RBFOX1: variants seen among roughly 807,000 people sequenced by gnomAD.
The protein encoded by RBFOX1 is RNA binding protein fox-1 homolog 1.
A neutral mutation model predicts 57.7 loss-of-function variants in RBFOX1; 8 were observed. The ratio of observed to expected loss-of-function variants is 0.14; its 90% CI spans 0.08 to 0.25. RBFOX1 has a LOEUF of 0.25. Ranked by LOEUF, RBFOX1 falls within the 10% of genes least tolerant of loss-of-function variation. The pLI is 1.00. For synonymous variants in RBFOX1, 326 were observed against 222.4 expected (o/e 1.47, Z -4.15); for missense variants, 611 against 548.5 (o/e 1.11, Z -1.14).
chr16:7,034,841 C>CTTTTTCTTTTTTTTTT (rs1424741274), intron 3 of RBFOX1, among the ~76,000 whole-genome samples: 1 of 39,166 alleles, frequency 2.6e-5, no homozygotes, highest in African/African-American at 1.2e-4. Flanking sequence ...TTTTTTTTTT[C>CTTTTTCTTTTTTTTTT]TTTTTTCTTT....
intron 4 of RBFOX1, among the ~76,000 whole-genome samples, chr16:7,364,889 C>G (rs1017967940): frequency 6.6e-6 from 1 of 152,184 alleles, no homozygotes; most frequent in Non-Finnish European, 1.5e-5. Flanking sequence ...TATCAAGATG[C>G]TGTTAGGAAG....
chr16:6,082,917 A>ACAGACTC (rs755139549), intron 1 of RBFOX1, among the ~76,000 whole-genome samples: 1 of 152,130 alleles, frequency 6.6e-6, no homozygotes, highest in Non-Finnish European at 1.5e-5. Context: ...CCCCTGCTCT[A>ACAGACTC]CAGACTCACC....
At chr16:5,972,165 G>A (rs2059973956) in intron 4 of RBFOX1, among the ~76,000 whole-genome samples, 1 of 152,106 alleles carries the variant, frequency 6.6e-6, no homozygotes, top group Admixed American at 6.5e-5. Context: ...ATAATTGTGT[G>A]AGCCAATTCC....
chr16:5,395,382 G>T (rs1214317402), intron 1 of RBFOX1, among the ~76,000 whole-genome samples: 2 of 152,198 alleles, frequency 1.3e-5, no homozygotes, highest in Non-Finnish European at 2.9e-5. Flanking sequence ...GGGAGACCAT[G>T]ACTCCTAGAG....
At chr16:6,450,834 T>C (rs1479361395) in intron 2 of RBFOX1, among the ~76,000 whole-genome samples, 9 of 32,862 alleles carry the variant, frequency 2.7e-4, no homozygotes, top group African/African-American at 8.6e-4. Flanking sequence ...TATATATATA[T>C]ATGTGTATAT....
chr16:5,379,061 A>G (rs2066064628), intron 1 of RBFOX1, among the ~76,000 whole-genome samples: 3 of 151,512 alleles, frequency 2.0e-5, no homozygotes, highest in South Asian at 4.1e-4. Flanking sequence ...AGTTTTTGGC[A>G]TTAAAAGTAA....
rs183152579 is a variant in RBFOX1, at chr16:7,115,403, C to G, written c.27+63305C>G. Among the ~76,000 whole-genome samples, 268 of 152,298 alleles carry G rather than the reference C, an allele frequency of 1.8e-3. 2 individuals are homozygous for G. Among genetic ancestry groups the G allele is most frequent in the African/African-American group, 6.1e-3 (254 of 41,574 alleles). The stretch of plus-strand genomic sequence containing the variant: ...TTCTAATGGAAAACAGAAACTAATT[C>G]TTTTGCCTTAGTTACCTATTGCTAT... On this transcript the variant is annotated intron_variant, in intron 4 of 15. Transcript: ENST00000550418.
chr16:6,297,119 C>T (rs552354205), intron 1 of RBFOX1, among the ~76,000 whole-genome samples: 8 of 152,222 alleles, frequency 5.3e-5, no homozygotes, highest in East Asian at 1.9e-4. Flanking sequence ...GGGAGTGTAG[C>T]GGTGAGGACC....
intron 3 of RBFOX1, among the ~76,000 whole-genome samples, chr16:6,821,074 A>G (rs769853509): frequency 1.3e-5 from 2 of 152,228 alleles, no homozygotes; most frequent in Non-Finnish European, 2.9e-5. Context: ...TGAGAAACAC[A>G]TCTCAGAAAT....
chr16:6,342,611 C>G (rs187378365), intron 2 of RBFOX1, among the ~76,000 whole-genome samples: 38 of 152,236 alleles, frequency 2.5e-4, no homozygotes, highest in Admixed American at 2.3e-3. Context: ...ACGTGGATGT[C>G]TATTAGAGAG....
chr16:7,575,462 A>G (rs2093242353), intron 5 of RBFOX1, among the ~76,000 whole-genome samples: 1 of 152,116 alleles, frequency 6.6e-6, no homozygotes, highest in Non-Finnish European at 1.5e-5. Flanking sequence ...AAAAAGGAAG[A>G]GGGAAATTGG....
chr16:5,714,076 G>A (rs114586117), intron 3 of RBFOX1, among the ~76,000 whole-genome samples: 45 of 152,274 alleles, frequency 3.0e-4, no homozygotes, highest in Non-Finnish European at 6.0e-4. Context: ...ATTAGGAGCC[G>A]CCTTCAGTTC....
At chr16:7,180,726 A>C (rs1225703937) in intron 4 of RBFOX1, among the ~76,000 whole-genome samples, 2 of 152,022 alleles carry the variant, frequency 1.3e-5, no homozygotes, top group Non-Finnish European at 2.9e-5. Flanking sequence ...AAAAAAAAAA[A>C]AAACCTGCCA....
intron 3 of RBFOX1, among the ~76,000 whole-genome samples, chr16:6,972,142 A>G (rs2085703284): frequency 6.6e-6 from 1 of 152,214 alleles, no homozygotes; most frequent in Non-Finnish European, 1.5e-5. Flanking sequence ...ATTTGTAAGA[A>G]TATAGTTCAG....
At chr16:7,481,080 C>T (rs544379058) in intron 4 of RBFOX1, among the ~76,000 whole-genome samples, 1 of 152,168 alleles carries the variant, frequency 6.6e-6, no homozygotes, top group African/African-American at 2.4e-5. Context: ...TCCTATTGCT[C>T]CTTACATCTG....
At chr16:7,257,705 C>T (rs1176014078) in intron 4 of RBFOX1, among the ~76,000 whole-genome samples, 1 of 152,186 alleles carries the variant, frequency 6.6e-6, no homozygotes, top group African/African-American at 2.4e-5. Context: ...GCCAGGAAAT[C>T]TCTCCCTTGC....
At chr16:6,796,429 A>G (rs1192789908) in intron 3 of RBFOX1, among the ~76,000 whole-genome samples, 1 of 152,146 alleles carries the variant, frequency 6.6e-6, no homozygotes, top group African/African-American at 2.4e-5. Context: ...CTTAAAACAG[A>G]TAAAGCACCC....
upstream of RBFOX1, among the ~76,000 whole-genome samples, chr16:6,018,660 G>C (rs888359489): frequency 1.3e-5 from 2 of 152,168 alleles, no homozygotes; most frequent in Non-Finnish European, 2.9e-5. Flanking sequence ...CTGCCTGGCC[G>C]GAAGATTTGA....
chr16:6,669,342 G>A (rs868764738), intron 3 of RBFOX1, among the ~76,000 whole-genome samples: 3 of 152,136 alleles, frequency 2.0e-5, no homozygotes, highest in African/African-American at 4.8e-5. Flanking sequence ...AAGTTACAAG[G>A]CTTTTTGGGC....
Sources: allele counts gnomAD v4.1 joint callset (sites outside exome capture counted in the v4.1 genomes callset), GRCh38; gene constraint gnomAD v4.1.1; transcripts MANE v1.5; gene names NCBI Gene and HGNC (gene_info 2026-07-23, HGNC 2026-07-21).